Variants in BCL7A observed in about 807,000 individuals in gnomAD.
BCL7A encodes BAF chromatin remodeling complex subunit BCL7A, also known as B-cell CLL/lymphoma 7 protein family member A.
A neutral mutation model predicts 28.4 loss-of-function variants in BCL7A; 11 were observed. That is an observed-to-expected ratio of 0.39 (90% CI 0.24 to 0.64). The LOEUF is 0.64. BCL7A is among the 30% of genes least tolerant of loss of function. The pLI is 0.50. For synonymous variants in BCL7A, 123 were observed against 103.3 expected (o/e 1.19, Z -1.15); for missense variants, 222 against 274.8 (o/e 0.81, Z 1.36).
rs776212842 is a variant in BCL7A, at chr12:122,021,957, T to TGTGTGTGTGTGTGA, written c.-134_-133insTGTGTGTGTGTGAG. 3.4e-5 allele frequency: 20 copies of TGTGTGTGTGTGTGA among 583,966 alleles called. No homozygotes were observed. The highest frequency in any genetic ancestry group is 1.3e-4 in the Admixed American group (5 of 37,922). The allele number at this position is 583,966 out of a possible 1,614,324, so 36.2% of individuals were successfully genotyped here. ...GTGTGTGTGTGTGTGTGTGTGTGTG[T>TGTGTGTGTGTGTGA]GAGTGTGTGCGTGTGAGAGTGCGAG... On this transcript the variant is annotated 5_prime_UTR_variant, in exon 1 of 6. An upstream open reading frame in the 5' UTR loses its in-frame stop. Transcript: ENST00000261822.
chr12:122,044,778 A>C (rs1326138466), intron 4 of BCL7A, among the ~76,000 whole-genome samples: 2 of 152,138 alleles, frequency 1.3e-5, no homozygotes, highest in African/African-American at 4.8e-5. Flanking sequence ...GTGAGCCGTG[A>C]TCACACAACT....
At chr12:122,036,817 TCTG>T (rs1445273903) in intron 3 of BCL7A, among the ~76,000 whole-genome samples, 1 of 151,934 alleles carries the variant, frequency 6.6e-6, no homozygotes, top group African/African-American at 2.4e-5. Flanking sequence ...AAGCAATTCT[TCTG>T]CCTCAGCCTC....
At chr12:122,022,754 T>C (rs2135833570) in intron 1 of BCL7A, among the ~76,000 whole-genome samples, 1 of 150,492 alleles carries the variant, frequency 6.6e-6, no homozygotes, top group Non-Finnish European at 1.5e-5. Context: ...GTCTGCGGAG[T>C]TTGCAGAGCG....
rs12423587 is a variant in BCL7A at position 122,039,322 on chromosome 12, T to A, written c.271+3895T>A. On this transcript the variant is annotated intron_variant, in intron 3 of 5. Transcript: ENST00000261822. ...AAAAAAAATAGATTAAAAAAAAAAA[T>A]AATAATAATAATAAATTTAAATTAG... 8.4e-3 allele frequency among the ~76,000 whole-genome samples: 1,213 copies of A among 144,494 alleles called. 11 individuals carry two copies. The highest frequency in any genetic ancestry group is 0.018 in the African/African-American group (699 of 38,814). The allele number at this position is 144,494 out of a possible 152,430, so 94.8% of individuals were successfully genotyped here. A position where few individuals can be genotyped will look rare whatever the true frequency, so the allele number is the denominator to read the frequency against.
Position 122,023,360 on chromosome 12 carries a change from T to TG in BCL7A, c.92+1180dup, listed in dbSNP as rs1266564216. 2.0e-5 allele frequency among the ~76,000 whole-genome samples: 3 copies of TG among 152,306 alleles called. No individual in the cohort carries two copies. The East Asian group carries it at 5.8e-4, about 29-fold the overall frequency. On this transcript the variant is annotated intron_variant, in intron 1 of 5. Transcript: ENST00000261822. ...GACCCTTTATTTCGAGCCTGGAAGCTGGGCAGGCCCTGTGGCAGGGGATGT... is the reference window on the plus strand; with the variant it reads ...GACCCTTTATTTCGAGCCTGGAAGCTGGGGCAGGCCCTGTGGCAGGGGATGT...
rs1951898463 is a variant in BCL7A at position 122,059,049 on chromosome 12, C to T, written c.562-43C>T. The T allele has an allele frequency of 1.3e-6, 2 of 1,536,056 alleles. No homozygotes were observed. Among genetic ancestry groups the T allele is most frequent in the African/African-American group, 1.4e-5 (1 of 73,446 alleles). ...CCTCACGCCTGGCCTAACTTGCTCT[C>T]CTGGCCCATTAACCTGTGTTCCCCT... On this transcript the variant is annotated intron_variant, in intron 5 of 5. Transcript: ENST00000261822. This position sits in a 1 kb window ranked among gnomAD's most constrained non-coding sequence, Gnocchi z 4.0.
chr12:122,042,560 G>C (rs746605463), intron 3 of BCL7A, among the ~76,000 whole-genome samples: 14 of 150,830 alleles, frequency 9.3e-5, no homozygotes, highest in Non-Finnish European at 1.9e-4. Context: ...TGAGGCAGGA[G>C]TATTGCTTGA....
chr12:122,061,587 C>G lies in BCL7A; in HGVS notation c.*2424C>G, dbSNP rs1269245909. On this transcript the variant is annotated 3_prime_UTR_variant, in exon 6 of 6. Transcript: ENST00000261822. Reference sequence around the variant, plus strand: ...CCACCCTGCACCCCTCGCCCTCCCCCCACCACAGAATCTAAGACCTTTCAG... The same window carrying G: ...CCACCCTGCACCCCTCGCCCTCCCCGCACCACAGAATCTAAGACCTTTCAG... 1 of 228,166 alleles carries G rather than the reference C, an allele frequency of 4.4e-6. No individual in the cohort carries two copies. Among genetic ancestry groups the G allele is most frequent in the Non-Finnish European group, 8.7e-6 (1 of 114,962 alleles). 14.1% of individuals were successfully genotyped at this position (228,166 alleles called of 1,614,324 possible). A position where few individuals can be genotyped will look rare whatever the true frequency, so the allele number is the denominator to read the frequency against.
intron 5 of BCL7A, among the ~76,000 whole-genome samples, chr12:122,057,596 G>A (rs1454523293): frequency 1.3e-5 from 2 of 152,150 alleles, no homozygotes; most frequent in African/African-American, 4.8e-5. Context: ...CTCCCAGGCT[G>A]ATGGGGAGCA....
intron 4 of BCL7A, among the ~76,000 whole-genome samples, chr12:122,052,321 A>G (rs777742276): frequency 1.4e-4 from 21 of 152,206 alleles, no homozygotes; most frequent in Non-Finnish European, 2.9e-4. Flanking sequence ...GGTGTGAGCA[A>G]CTACACCTGG....
chr12:122,046,831 C>T (rs1204702580), intron 4 of BCL7A, among the ~76,000 whole-genome samples: 2 of 152,068 alleles, frequency 1.3e-5, no homozygotes, highest in African/African-American at 4.8e-5. Context: ...AGGGCGCTTG[C>T]CTTGTGTTAC....
In BCL7A at chr12:122,050,227, C is replaced by T. The variant is rs1264941676; in HGVS notation, c.440-4578C>T. 4.6e-5 allele frequency among the ~76,000 whole-genome samples: 7 copies of T among 152,118 alleles called. No homozygotes were observed. In the South Asian group the frequency reaches 8.3e-4, roughly 18 times the overall value. ...AACTCCTGACCTCAGGTGATCCACC[C>T]GCCTCAGCCTCCAAAGTGTTGGGAT... On this transcript the variant is annotated intron_variant, in intron 4 of 5. Transcript: ENST00000261822.
intron 3 of BCL7A, among the ~76,000 whole-genome samples, chr12:122,043,263 C>G (rs1353924810): frequency 6.6e-6 from 1 of 152,096 alleles, no homozygotes; most frequent in Non-Finnish European, 1.5e-5. Flanking sequence ...AATGTCCCCC[C>G]AGGATTTTAA....
At position 122,043,969 on chromosome 12, in the gene BCL7A, C is replaced by CCCAACT. The variant is rs753534683; in HGVS notation, c.357_362dup (p.Asn120_Ser121dup). 5.0e-6 allele frequency: 8 copies of CCCAACT among 1,614,002 alleles called. No individual in the cohort carries two copies. Among genetic ancestry groups the CCCAACT allele is most frequent in the Non-Finnish European group, 6.8e-6 (8 of 1,180,014 alleles). On this transcript the variant is annotated inframe_insertion, in exon 4 of 6. Transcript: ENST00000261822. ...CAGCAACTCCAGCCCCGCTCCAGAG[C>CCCAACT]CCAACTCGGCTGTGCCCAGCGACGG...
intron 1 of BCL7A, among the ~76,000 whole-genome samples, chr12:122,026,300 A>G (rs1402142650): frequency 1.1e-4 from 16 of 151,434 alleles, no homozygotes; most frequent in Admixed American, 1.1e-3. Flanking sequence ...AAAATTAGAC[A>G]GGCATGGTGA....
Position 122,061,990 on chromosome 12 carries a change from GT to G in BCL7A, c.*2830del, listed in dbSNP as rs1171631380. On this transcript the variant is annotated 3_prime_UTR_variant, in exon 6 of 6. Transcript: ENST00000261822. ...CTTATTTATTCCATCAGTAGATATG[GT>G]TTGTACAATGTACAATTGTTTCATT... 1 of 190,632 alleles carries G rather than the reference GT, an allele frequency of 5.2e-6. No individual in the cohort carries two copies. The highest frequency in any genetic ancestry group is 1.9e-4 in the South Asian group (1 of 5,136). 11.8% of individuals were successfully genotyped at this position (190,632 alleles called of 1,614,324 possible).
intron 1 of BCL7A, among the ~76,000 whole-genome samples, chr12:122,030,251 C>T (rs905265450): frequency 6.6e-6 from 1 of 152,224 alleles, no homozygotes. Flanking sequence ...TCAGACGCAT[C>T]GCCCAGAGGG....
At position 122,059,568 on chromosome 12, in the gene BCL7A, GCTTT is replaced by G. The variant is rs1175403971; in HGVS notation, c.*410_*413del. 9 of 240,462 alleles carry G rather than the reference GCTTT, an allele frequency of 3.7e-5. No homozygotes were observed. The highest frequency in any genetic ancestry group is 2.0e-4 in the African/African-American group (9 of 45,456). The allele number at this position is 240,462 out of a possible 1,614,324, so 14.9% of individuals were successfully genotyped here. A position where few individuals can be genotyped will look rare whatever the true frequency, so the allele number is the denominator to read the frequency against. On this transcript the variant is annotated 3_prime_UTR_variant, in exon 6 of 6. Transcript: ENST00000261822. The surrounding 1 kb of genome is among the most constrained non-coding windows in gnomAD (Gnocchi z 4.0). The stretch of plus-strand genomic sequence containing the variant: ...TTCCACTGTTCAACCGATTCCTTCC[GCTTT>G]CTTTTTTTGTGCCTTGTGCCCTTGA...
chr12:122,034,245 CTT>C (rs1329675180), intron 2 of BCL7A, among the ~76,000 whole-genome samples: 18 of 97,188 alleles, frequency 1.9e-4, no homozygotes, highest in South Asian at 7.5e-4. Flanking sequence ...ATATATATAT[CTT>C]GGCGATATTG....
Sources: gnomAD v4.1 joint callset for allele counts (sites outside exome capture counted in the v4.1 genomes callset) on GRCh38, gnomAD v4.1.1 for gene constraint, Gnocchi (gnomAD v3.1) non-coding constraint, MANE v1.5 for transcripts, NCBI Gene and HGNC (gene_info 2026-07-23, HGNC 2026-07-21) for gene names.